SRD5A2: variants seen among roughly 807,000 people sequenced by gnomAD.
SRD5A2 encodes 3-oxo-5-alpha-steroid 4-dehydrogenase 2.
SRD5A2 carries 30 observed loss-of-function variants against 27.4 expected under a neutral mutation model. The ratio of observed to expected loss-of-function variants is 1.10; its 90% CI spans 0.82 to 1.49. The LOEUF is 1.49. Ranked by LOEUF, SRD5A2 falls within the 40% of genes most tolerant of loss-of-function variation. The pLI, the probability that SRD5A2 is intolerant of heterozygous loss-of-function variation, is 0.00. For synonymous variants in SRD5A2, 141 were observed against 133.6 expected (o/e 1.06, Z -0.38); for missense variants, 348 against 323.4 (o/e 1.08, Z -0.58).
At chr2:31,649,246 A>C in the SRD5A2 span, among the ~76,000 whole-genome samples, 2 of 152,304 alleles carry the variant, frequency 1.3e-5, no homozygotes, top group Admixed American at 6.5e-5. Flanking sequence ...TATTTTCTTT[A>C]GCTGCACTTC....
the SRD5A2 span, among the ~76,000 whole-genome samples, chr2:31,619,692 GTGA>G: frequency 6.6e-6 from 1 of 152,040 alleles, no homozygotes; most frequent in South Asian, 2.1e-4. Flanking sequence ...CTAATGATCA[GTGA>G]TGAACTTTTT....
chr2:31,655,620 T>G, the SRD5A2 span, among the ~76,000 whole-genome samples: 8 of 152,164 alleles, frequency 5.3e-5, no homozygotes, highest in Admixed American at 5.2e-4. Flanking sequence ...GCACTGCCTC[T>G]TGCCCTGATC....
intron 1 of SRD5A2, among the ~76,000 whole-genome samples, chr2:31,546,640 T>C (rs544221518): frequency 1.3e-5 from 2 of 151,750 alleles, no homozygotes; most frequent in Admixed American, 1.3e-4. Flanking sequence ...ACTAATAAAG[T>C]GGGAAGGGTG....
At chr2:31,574,038 A>G (rs74403699) in intron 1 of SRD5A2, among the ~76,000 whole-genome samples, 5,416 of 152,260 alleles carry the variant, frequency 0.036, 299 homozygotes, top group African/African-American at 0.12. Flanking sequence ...CCCATGCACA[A>G]TCAAACATAG....
At chr2:31,534,293 G>A (rs566138126) in intron 1 of SRD5A2, among the ~76,000 whole-genome samples, 4 of 152,256 alleles carry the variant, frequency 2.6e-5, no homozygotes, top group South Asian at 4.1e-4. Flanking sequence ...GTATGTGAAT[G>A]AGTGATAGAC....
the SRD5A2 span, among the ~76,000 whole-genome samples, chr2:31,642,475 T>A: frequency 2.6e-4 from 40 of 151,890 alleles, no homozygotes; most frequent in Non-Finnish European, 4.7e-4. Context: ...AAATAGCTCA[T>A]AATCAAAAAA....
At chr2:31,574,592 T>C (rs1265256780) in intron 1 of SRD5A2, among the ~76,000 whole-genome samples, 1 of 152,196 alleles carries the variant, frequency 6.6e-6, no homozygotes, top group Admixed American at 6.5e-5. Flanking sequence ...GTCATTCCAT[T>C]TAGAATGAAA....
chr2:31,661,629 C>A, the SRD5A2 span, among the ~76,000 whole-genome samples: 1 of 152,186 alleles, frequency 6.6e-6, no homozygotes, highest in Non-Finnish European at 1.5e-5. Context: ...CTGTTTTCAG[C>A]AGTTGACTCT....
the SRD5A2 span, among the ~76,000 whole-genome samples, chr2:31,604,856 A>G: frequency 6.6e-6 from 1 of 151,944 alleles, no homozygotes; most frequent in Non-Finnish European, 1.5e-5. Flanking sequence ...AAGCTATCCT[A>G]AGCAAAAAGA....
At chr2:31,571,605 AT>A (rs1478004282) in intron 1 of SRD5A2, among the ~76,000 whole-genome samples, 1 of 152,194 alleles carries the variant, frequency 6.6e-6, no homozygotes, top group East Asian at 1.9e-4. Flanking sequence ...GGGAAAAAAT[AT>A]CTGCAAACTG....
At chr2:31,652,009 T>G in the SRD5A2 span, 1 of 152,700 alleles carries the variant, frequency 6.5e-6, no homozygotes, top group Non-Finnish European at 1.5e-5. Flanking sequence ...CTTGCTCTGT[T>G]GCCCAGGCTG....
the SRD5A2 span, among the ~76,000 whole-genome samples, chr2:31,661,816 C>T: frequency 1.1e-4 from 17 of 152,128 alleles, no homozygotes; most frequent in Non-Finnish European, 2.5e-4. Context: ...TCAATAGTGT[C>T]CCATAGATCA....
chr2:31,530,470 G>T (rs938092381), intron 3 of SRD5A2, among the ~76,000 whole-genome samples: 3 of 152,162 alleles, frequency 2.0e-5, no homozygotes, highest in Admixed American at 1.3e-4. Flanking sequence ...AATTTTCTAT[G>T]AAGACAGTAA....
chr2:31,646,038 C>T, the SRD5A2 span, among the ~76,000 whole-genome samples: 1 of 152,104 alleles, frequency 6.6e-6, no homozygotes, highest in Non-Finnish European at 1.5e-5. Flanking sequence ...CTTCATCTTT[C>T]TTTTCTAGGA....
intron 1 of SRD5A2, among the ~76,000 whole-genome samples, chr2:31,538,702 C>G (rs1204883635): frequency 6.6e-6 from 1 of 152,204 alleles, no homozygotes; most frequent in Non-Finnish European, 1.5e-5. Context: ...CCACTCTGCT[C>G]AAATGTTAGC....
At chr2:31,616,523 G>T in the SRD5A2 span, among the ~76,000 whole-genome samples, 1 of 151,978 alleles carries the variant, frequency 6.6e-6, no homozygotes, top group Non-Finnish European at 1.5e-5. Flanking sequence ...AAAGAAGATC[G>T]TTTCAGAGCT....
At chr2:31,562,787 C>T (rs781776141) in intron 1 of SRD5A2, among the ~76,000 whole-genome samples, 1 of 152,016 alleles carries the variant, frequency 6.6e-6, no homozygotes, top group African/African-American at 2.4e-5. Context: ...ACAATATACC[C>T]ATGTAACAAA....
At chr2:31,532,544 G>T (rs968435439) in intron 2 of SRD5A2, among the ~76,000 whole-genome samples, 3 of 152,198 alleles carry the variant, frequency 2.0e-5, no homozygotes, top group South Asian at 4.1e-4. Context: ...CCAGGATCAG[G>T]GATGCTAGAT....
the SRD5A2 span, among the ~76,000 whole-genome samples, chr2:31,594,572 A>G: frequency 1.3e-5 from 2 of 152,220 alleles, no homozygotes; most frequent in Admixed American, 6.5e-5. Context: ...ACCAGACCTA[A>G]GAAATGAAAT....
Sources: allele counts gnomAD v4.1 joint callset (sites outside exome capture counted in the v4.1 genomes callset), GRCh38; gene constraint gnomAD v4.1.1; transcripts MANE v1.5; gene names NCBI Gene and HGNC (gene_info 2026-07-23, HGNC 2026-07-21).